Variants in GJA8 observed in about 807,000 individuals in gnomAD.
The protein encoded by GJA8 is gap junction alpha-8 protein.
In GJA8, 13 loss-of-function variants were observed where a neutral mutation model predicts 15.3. That is an observed-to-expected ratio of 0.85 (90% CI 0.55 to 1.35). The LOEUF is 1.35. Among genes scored for constraint, GJA8 ranks in the 40% most tolerant of loss-of-function variants. The probability of loss-of-function intolerance (pLI) is 0.00; values close to 1 mark genes in which losing one functional copy is unlikely to be tolerated. For missense variants in GJA8, 607 were observed against 553.3 expected (o/e 1.10, Z -0.97); for synonymous variants, 304 against 238.7 (o/e 1.27, Z -2.52).
intron 1 of GJA8, among the ~76,000 whole-genome samples, 189 bp downstream of exon 1, chr1:147,903,050 C>A (rs782594398): frequency 2.0e-5 from 3 of 152,168 alleles, no homozygotes; most frequent in Admixed American, 6.5e-5. Flanking sequence ...TAAGAACTGG[C>A]AGAGGTTTGG....
intron 1 of GJA8, among the ~76,000 whole-genome samples, chr1:147,906,776 A>G (rs925958218): frequency 2.0e-5 from 3 of 152,214 alleles, no homozygotes; most frequent in Non-Finnish European, 4.4e-5. Flanking sequence ...TCAATGGTGT[A>G]GTGGGAAGAA....
downstream of GJA8, among the ~76,000 whole-genome samples, chr1:147,910,149 C>T (rs192841448): frequency 2.0e-5 from 3 of 152,286 alleles, no homozygotes; most frequent in East Asian, 5.8e-4. Context: ...TGTATGCCAC[C>T]GTGCCTGGCC....
In GJA8 at chr1:147,909,038, G is replaced by C. The variant is rs1553242991; in HGVS notation, c.1083G>C (p.Gln361His). ...EEAERLTTEE[Q>H]EKVAVPEGEK... Reference sequence around the variant, plus strand: ...CAGAGAGGCTGACCACGGAGGAGCAGGAGAAGGTGGCCGTGCCAGAGGGGG... The same window carrying C: ...CAGAGAGGCTGACCACGGAGGAGCACGAGAAGGTGGCCGTGCCAGAGGGGG... The change falls in exon 2 of 2, where the codon CAG (glutamine) becomes CAC (histidine). Residue 361 changes from glutamine (Q) to histidine (H), a missense_variant. By Grantham distance (24) the Gln-to-His change is conservative. Transcript: ENST00000369235. 1 of 1,598,918 alleles carries C rather than the reference G, an allele frequency of 6.3e-7. No homozygotes were observed. The highest frequency in any genetic ancestry group is 8.5e-7 in the Non-Finnish European group (1 of 1,172,502).
chr1:147,904,207 A>G lies in GJA8; in HGVS notation c.-12+1346A>G, dbSNP rs587648043. On this transcript the variant is annotated intron_variant, in intron 1 of 1. Transcript: ENST00000369235. ...CTCGGCCTCCCATAGTGCTGGGATT[A>G]CAGGCATGAGTCACCACGCCCAGCC... Among the ~76,000 whole-genome samples, 13 of 152,294 alleles carry G rather than the reference A, an allele frequency of 8.5e-5. No individual in the cohort carries two copies. The South Asian group carries it at 2.5e-3, about 29-fold the overall frequency.
chr1:147,907,920 C>G (rs782030454), intron 1 of GJA8, 25 bp from the exon 2 acceptor site: 9 of 1,555,786 alleles, frequency 5.8e-6, no homozygotes, highest in Non-Finnish European at 6.2e-6. Context: ...CCGCTCAGCT[C>G]TTGCCTTCTC....
At chr1:147,910,668 T>G (rs1405945800), downstream of GJA8, among the ~76,000 whole-genome samples, 1 of 152,194 alleles carries the variant, frequency 6.6e-6, no homozygotes, top group East Asian at 1.9e-4. Flanking sequence ...AATCTATACC[T>G]TTTTTCACTA....
At position 147,909,069 on chromosome 1, in the gene GJA8, G is replaced by GT; in HGVS notation, c.1115dup (p.Glu373ArgfsTer7). 1 of 1,606,716 alleles carries GT rather than the reference G, an allele frequency of 6.2e-7. No homozygotes were observed. Among genetic ancestry groups the GT allele is most frequent in the Non-Finnish European group, 8.5e-7 (1 of 1,176,402 alleles). ...GGTGGCCGTGCCAGAGGGGGAGAAA[G>GT]TAGAGACCCCCGGAGTGGATAAGGA... On this transcript the variant is annotated frameshift_variant, in exon 2 of 2. Transcript: ENST00000369235. LOFTEE classifies it high-confidence loss of function.
intron 1 of GJA8, among the ~76,000 whole-genome samples, chr1:147,905,907 G>C (rs1651779555): frequency 6.6e-6 from 1 of 152,244 alleles, no homozygotes; most frequent in Non-Finnish European, 1.5e-5. Flanking sequence ...CAGGAGAAGA[G>C]AAGCTGCTGC....
intron 1 of GJA8, among the ~76,000 whole-genome samples, chr1:147,903,989 T>A (rs1256357462): frequency 1.3e-5 from 2 of 149,712 alleles, no homozygotes; most frequent in Non-Finnish European, 3.0e-5. Context: ...TGGAGTGCAG[T>A]GGTGTGATCT....
rs1553242966 is a variant in GJA8, at chr1:147,908,988, G to A, written c.1033G>A (p.Glu345Lys). 1.9e-6 allele frequency: 3 copies of A among 1,595,644 alleles called. No homozygotes were observed. Among genetic ancestry groups the A allele is most frequent in the Admixed American group, 1.8e-5 (1 of 56,668 alleles). The part of the protein sequence containing the change: ...GPPAEEGAEP[E>K]VGEKKEEAER... The stretch of plus-strand genomic sequence containing the variant: ...GCCTGCAGAGGAGGGAGCCGAACCC[G>A]AGGTGGGAGAGAAGAAGGAGGAAGC... Residue 345 changes from glutamate to lysine, a missense_variant, in exon 2 of 2, where the codon GAG (glutamate) becomes AAG (lysine). Physicochemically the swap from Glu to Lys is moderately conservative, Grantham distance 56 (BLOSUM62 1). Transcript: ENST00000369235.
At position 147,908,962 on chromosome 1, in the gene GJA8, C is replaced by T. The variant is rs140686949; in HGVS notation, c.1007C>T (p.Pro336Leu). 241 of 1,602,938 alleles carry T rather than the reference C, an allele frequency of 1.5e-4. No homozygotes were observed. The highest frequency in any genetic ancestry group is 2.0e-4 in the Non-Finnish European group (231 of 1,173,546). ...GCACAAGAAGTGGAGGGCGAGGGGC[C>T]GCCTGCAGAGGAGGGAGCCGAACCC... ...VGAQEVEGEGPPAEEGAEPEV... is the reference protein window; with the variant it reads ...VGAQEVEGEGLPAEEGAEPEV... The change falls in exon 2 of 2, where the codon CCG becomes CTG. Residue 336 changes from proline (P) to leucine (L), a missense_variant. Coordinates refer to ENST00000369235, the MANE Select transcript of GJA8 (RefSeq NM_005267.5).
chr1:147,909,270 G>T (rs199714923), downstream of GJA8: 202 of 1,095,110 alleles, frequency 1.8e-4, no homozygotes, highest in Non-Finnish European at 2.3e-4. Context: ...TGACGCCAAA[G>T]AAAAAAAAAA....
rs369062491 is a variant in GJA8, at chr1:147,909,110, G to A, written c.1155G>A (p.Glu385=). 5.0e-6 allele frequency: 8 copies of A among 1,613,756 alleles called. No individual in the cohort carries two copies. The highest frequency in any genetic ancestry group is 1.6e-4 in the Middle Eastern group (1 of 6,062). Residue 385 remains glutamate, a synonymous_variant, in exon 2 of 2, where the codon GAG becomes GAA. Transcript: ENST00000369235. ...PGVDKEGEKE[E]PQSEKVSKQG... ...TGGATAAGGAGGGTGAAAAAGAAGA[G>A]CCGCAGTCGGAGAAGGTGTCAAAGC... is the stretch of plus-strand genomic sequence containing the variant.
Position 147,907,961 on chromosome 1 carries a change from C to G in GJA8, c.6C>G (p.Gly2=), listed in dbSNP as rs148667223. 4 of 1,612,878 alleles carry G rather than the reference C, an allele frequency of 2.5e-6. No individual in the cohort carries two copies. Among genetic ancestry groups the G allele is most frequent in the Non-Finnish European group, 3.4e-6 (4 of 1,179,004 alleles). The stretch of plus-strand genomic sequence containing the variant: ...TTTCTTCAGGTGGGTGAGAAATGGG[C>G]GACTGGAGTTTCCTGGGGAACATCT... M[G]DWSFLGNILE... The change falls in exon 2 of 2, where the codon GGC becomes GGG. Residue 2 remains glycine, a synonymous_variant. Transcript: ENST00000369235.
chr1:147,910,280 T>C, downstream of GJA8, among the ~76,000 whole-genome samples: 1 of 152,248 alleles, frequency 6.6e-6, no homozygotes, highest in South Asian at 2.1e-4. Flanking sequence ...GAGGCACCAA[T>C]TTGCAATATC....
chr1:147,908,111 C>T lies in GJA8; in HGVS notation c.156C>T (p.Phe52=), dbSNP rs782244175. The change falls in exon 2 of 2, where the codon TTC becomes TTT. Residue 52 remains phenylalanine, a synonymous_variant. Coordinates refer to ENST00000369235, the MANE Select transcript of GJA8 (RefSeq NM_005267.5). ...TGTGGGGGGATGAGCAATCCGACTT[C>T]GTGTGCAACACCCAGCAGCCTGGCT... is the stretch of plus-strand genomic sequence containing the variant. ...EFVWGDEQSD[F]VCNTQQPGCE... 3 of 1,614,240 alleles carry T rather than the reference C, an allele frequency of 1.9e-6. No homozygotes were observed. The highest frequency in any genetic ancestry group is 4.5e-5 in the East Asian group (2 of 44,878).
At chr1:147,909,773 A>C (rs114344889), downstream of GJA8, among the ~76,000 whole-genome samples, 13 of 152,340 alleles carry the variant, frequency 8.5e-5, no homozygotes, top group African/African-American at 3.1e-4. Flanking sequence ...GGGGCTGTGA[A>C]AGTTGGAAAG....
In GJA8 at chr1:147,909,118, C is replaced by A; in HGVS notation, c.1163C>A (p.Ser388Ter). 6.2e-7 allele frequency: 1 copy of A among 1,613,862 alleles called. No homozygotes were observed. Among genetic ancestry groups the A allele is most frequent in the Non-Finnish European group, 8.5e-7 (1 of 1,179,884 alleles). The change falls in exon 2 of 2, where the codon TCG becomes TAG. Residue 388 changes from serine to a stop codon, truncating the protein, a stop_gained. Coordinates refer to ENST00000369235, the MANE Select transcript of GJA8 (RefSeq NM_005267.5). LOFTEE classifies it high-confidence loss of function. ...GAGGGTGAAAAAGAAGAGCCGCAGT[C>A]GGAGAAGGTGTCAAAGCAAGGGCTG... ...DKEGEKEEPQ[S>*]EKVSKQGLPA...
chr1:147,905,554 A>T (rs1044535311), intron 1 of GJA8, among the ~76,000 whole-genome samples: 7 of 152,254 alleles, frequency 4.6e-5, no homozygotes, highest in Admixed American at 6.5e-5. Context: ...AGTTATTCAA[A>T]TTGCTGTTTT....
Sources: gnomAD v4.1 joint callset for allele counts (sites outside exome capture counted in the v4.1 genomes callset) on GRCh38, gnomAD v4.1.1 for gene constraint, MANE v1.5 for transcripts, NCBI Gene and HGNC (gene_info 2026-07-23, HGNC 2026-07-21) for gene names.